Variants in ADGRV1 observed in about 807,000 individuals in gnomAD.
The protein encoded by ADGRV1 is G-protein coupled receptor 98.
Under a neutral mutation model 596.2 loss-of-function variants are expected in ADGRV1, and 359 were observed. That is an observed-to-expected ratio of 0.60 (90% CI 0.55 to 0.66). The LOEUF (loss-of-function observed/expected upper bound fraction) is 0.66. Among genes scored for constraint, ADGRV1 ranks in the 30% least tolerant of loss-of-function variants. The pLI, the probability that ADGRV1 is intolerant of heterozygous loss-of-function variation, is 0.00. For missense variants in ADGRV1, 7,274 were observed against 7,575.6 expected (o/e 0.96, Z 1.48); for synonymous variants, 2,681 against 2,679.2 (o/e 1.00, Z -0.02).
chr5:90,656,588 T>C (rs1450377709), intron 20 of ADGRV1, among the ~76,000 whole-genome samples: 1 of 152,140 alleles, frequency 6.6e-6, no homozygotes, highest in East Asian at 1.9e-4. Flanking sequence ...TGAAAAGGTG[T>C]TTCTGGTTTG....
chr5:90,684,205 C>T lies in ADGRV1; in HGVS notation c.6274+10C>T. ...GTACAGAGTCGTTCAAGTAAGTATC[C>T]CTTAGTGTGTTATTATTATTATTAG... On this transcript the variant is annotated intron_variant, in intron 28 of 89. Transcript: ENST00000405460. 2 of 1,582,654 alleles carry T rather than the reference C, an allele frequency of 1.3e-6. No homozygotes were observed. Among genetic ancestry groups the T allele is most frequent in the Non-Finnish European group, 1.7e-6 (2 of 1,164,860 alleles).
intron 83 of ADGRV1, among the ~76,000 whole-genome samples, chr5:90,941,857 A>G (rs941908061): frequency 1.3e-5 from 2 of 152,174 alleles, no homozygotes; most frequent in Non-Finnish European, 2.9e-5. Flanking sequence ...TTGATTTTAA[A>G]TTTTCCGTGG....
chr5:90,684,976 T>C (rs1263545352), intron 28 of ADGRV1, among the ~76,000 whole-genome samples: 2 of 152,192 alleles, frequency 1.3e-5, no homozygotes, highest in African/African-American at 2.4e-5. Flanking sequence ...TCCTACTCAA[T>C]CTTGTAACTG....
chr5:91,026,203 C>T (rs1408018308), intron 85 of ADGRV1, among the ~76,000 whole-genome samples: 1 of 152,088 alleles, frequency 6.6e-6, no homozygotes, highest in Non-Finnish European at 1.5e-5. Flanking sequence ...TATGAAACTT[C>T]TGTGCCTGAC....
At chr5:90,668,190 C>T (rs1420362212) in intron 21 of ADGRV1, among the ~76,000 whole-genome samples, 2 of 151,952 alleles carry the variant, frequency 1.3e-5, no homozygotes, top group Non-Finnish European at 2.9e-5. Context: ...TGGGCAATGG[C>T]GGGCGCCCCT....
chr5:90,823,692 T>C, intron 76 of ADGRV1, 96 bp downstream of exon 76: 2 of 1,071,224 alleles, frequency 1.9e-6, no homozygotes, highest in Non-Finnish European at 2.7e-6. Flanking sequence ...ACATTGTTGA[T>C]AGGGAGATTC....
intron 75 of ADGRV1, 122 bp downstream of exon 75, chr5:90,815,858 G>A (rs566358898): frequency 2.4e-5 from 15 of 616,188 alleles, no homozygotes; most frequent in South Asian, 1.2e-4. Flanking sequence ...AATTTGGCAC[G>A]TCTTCAGATG....
intron 42 of ADGRV1, among the ~76,000 whole-genome samples, chr5:90,713,162 G>GT (rs202051546): frequency 1.5e-3 from 226 of 152,062 alleles, no homozygotes; most frequent in African/African-American, 5.2e-3. Context: ...GGCTGAGCTG[G>GT]TTTTTTTTAA....
chr5:91,051,222 A>G (rs181937864), intron 85 of ADGRV1, among the ~76,000 whole-genome samples: 284 of 152,344 alleles, frequency 1.9e-3, no homozygotes, highest in Non-Finnish European at 3.7e-3. Flanking sequence ...AATATATTCA[A>G]CTTCTAAATA....
intron 21 of ADGRV1, among the ~76,000 whole-genome samples, chr5:90,659,030 A>G (rs1769850315): frequency 6.6e-6 from 1 of 152,120 alleles, no homozygotes; most frequent in African/African-American, 2.4e-5. Flanking sequence ...GGATGAGTAG[A>G]GTTTGAAAAA....
At chr5:90,976,344 A>ATG (rs1554185170) in intron 84 of ADGRV1, among the ~76,000 whole-genome samples, 4 of 143,356 alleles carry the variant, frequency 2.8e-5, no homozygotes, top group African/African-American at 7.9e-5. Flanking sequence ...ATATATATAT[A>ATG]TATATGTATA....
chr5:91,032,510 A>G (rs1784561659), intron 85 of ADGRV1, among the ~76,000 whole-genome samples: 1 of 152,076 alleles, frequency 6.6e-6, no homozygotes, highest in African/African-American at 2.4e-5. Context: ...TTATATCATT[A>G]GTATTGTCTT....
intron 33 of ADGRV1, among the ~76,000 whole-genome samples, chr5:90,695,283 C>T (rs1017565601): frequency 5.3e-5 from 8 of 152,052 alleles, no homozygotes; most frequent in African/African-American, 1.9e-4. Context: ...AAACAATATA[C>T]TGATATTTTA....
intron 75 of ADGRV1, 114 bp downstream of exon 75, chr5:90,815,850 T>A: frequency 1.6e-6 from 1 of 639,450 alleles, no homozygotes; most frequent in Admixed American, 2.3e-5. Flanking sequence ...TAGTGTCGAA[T>A]TTGGCACGTC....
At chr5:90,732,246 C>T (rs1752650068) in intron 50 of ADGRV1, among the ~76,000 whole-genome samples, 1 of 152,132 alleles carries the variant, frequency 6.6e-6, no homozygotes, top group African/African-American at 2.4e-5. Flanking sequence ...TCAGGAGATC[C>T]TCCTGCCTCA....
rs1192533869 is a variant in ADGRV1, at chr5:90,776,535, T to G, written c.12486T>G (p.Ile4162Met). The G allele has an allele frequency of 6.2e-7, 1 of 1,613,302 alleles. No homozygotes were observed. The highest frequency in any genetic ancestry group is 8.5e-7 in the Non-Finnish European group (1 of 1,179,516). ...GIAPSSRHIL[I>M]GEPSAKYNGT... ...CTCCGTCATCTAGGCACATCCTCAT[T>G]GGGGAACCCTCAGCAAAATATAATG... is the stretch of plus-strand genomic sequence containing the variant. Residue 4162 changes from isoleucine (I) to methionine (M), a missense_variant, in exon 61 of 90, where the codon ATT (isoleucine) becomes ATG (methionine). Coordinates refer to ENST00000405460, the MANE Select transcript of ADGRV1 (RefSeq NM_032119.4).
At chr5:90,949,925 A>T (rs1776917839) in intron 83 of ADGRV1, among the ~76,000 whole-genome samples, 1 of 152,196 alleles carries the variant, frequency 6.6e-6, no homozygotes, top group Admixed American at 6.5e-5. Flanking sequence ...ACAAGGAAGG[A>T]TGCCTTTACT....
intron 83 of ADGRV1, among the ~76,000 whole-genome samples, chr5:90,873,108 C>T (rs1405790382): frequency 6.6e-6 from 1 of 152,076 alleles, no homozygotes; most frequent in Non-Finnish European, 1.5e-5. Flanking sequence ...CTTTAAGCTC[C>T]CAAGGGAAGA....
chr5:90,750,838 A>G, intron 53 of ADGRV1, 141 bp downstream of exon 53: 1 of 583,374 alleles, frequency 1.7e-6, no homozygotes, highest in South Asian at 3.9e-5. Flanking sequence ...GTAGAGAGGG[A>G]TACAATTTAA....
Sources: allele counts gnomAD v4.1 joint callset (sites outside exome capture counted in the v4.1 genomes callset), GRCh38; gene constraint gnomAD v4.1.1; transcripts MANE v1.5; gene names NCBI Gene and HGNC (gene_info 2026-07-23, HGNC 2026-07-21).